Variants in PRKDC observed in about 807,000 individuals in gnomAD.
PRKDC encodes the protein DNA-dependent protein kinase catalytic subunit.
PRKDC carries 82 observed loss-of-function variants against 486.9 expected under a neutral mutation model. The ratio of observed to expected loss-of-function variants is 0.17; its 90% CI spans 0.14 to 0.20. The LOEUF is 0.20. Ranked by LOEUF, PRKDC falls within the 10% of genes least tolerant of loss-of-function variation. The pLI, the probability that PRKDC is intolerant of heterozygous loss-of-function variation, is 1.00. For synonymous variants in PRKDC, 1,895 were observed against 1,837.0 expected, an observed-to-expected ratio of 1.03 and a Z score of -0.81; for missense variants, 4,504 against 5,038.2, an observed-to-expected ratio of 0.89 and a Z score of 3.21.
intron 21 of PRKDC, among the ~76,000 whole-genome samples, chr8:47,925,176 A>G (rs771175850): frequency 2.6e-5 from 4 of 152,228 alleles, no homozygotes; most frequent in Non-Finnish European, 5.9e-5. Context: ...ATCACTCCAG[A>G]AAGTGGAGCA....
At chr8:47,776,750 G>A (rs2086614856) in intron 85 of PRKDC, 94 bp downstream of exon 85, 1 of 1,464,102 alleles carries the variant, frequency 6.8e-7, no homozygotes, top group African/African-American at 1.4e-5. Context: ...CTAACAGAGT[G>A]TCAAGAGCTC....
At chr8:47,912,800 G>C (rs537393412) in intron 24 of PRKDC, among the ~76,000 whole-genome samples, 1 of 152,150 alleles carries the variant, frequency 6.6e-6, no homozygotes, top group East Asian at 1.9e-4. Flanking sequence ...TTAGAAACTG[G>C]GAAGTATATT....
chr8:47,950,559 G>A (rs979895638), intron 7 of PRKDC, among the ~76,000 whole-genome samples: 13 of 151,820 alleles, frequency 8.6e-5, no homozygotes, highest in African/African-American at 3.1e-4. Context: ...AACCCGGAAG[G>A]GGGAGCTTGC....
At position 47,855,364 on chromosome 8, in the gene PRKDC, TA is replaced by T; in HGVS notation, c.6618del (p.Asp2208MetfsTer4). ...AATCGATTTGCTAACACTTCATCTT[TA>T]GGGACCCCCTGAAAAGGTACAGAAA... is the stretch of plus-strand genomic sequence containing the variant. ...WTGLATPTGVPKDEVLANRLL... is the reference protein window; with the variant it reads ...WTGLATPTGVXKDEVLANRLL... On this transcript the variant is annotated frameshift_variant, in exon 50 of 86. Coordinates refer to ENST00000314191, the MANE Select transcript of PRKDC (RefSeq NM_006904.7). LOFTEE classifies it high-confidence loss of function. The T allele has an allele frequency of 6.3e-7, 1 of 1,596,006 alleles. No homozygotes were observed.
intron 74 of PRKDC, among the ~76,000 whole-genome samples, chr8:47,793,206 T>C (rs1350104456): frequency 6.6e-6 from 1 of 152,186 alleles, no homozygotes; most frequent in East Asian, 1.9e-4. Flanking sequence ...TGACACACTG[T>C]CTCTCACATC....
At chr8:47,794,523 T>A (rs1227111295) in intron 73 of PRKDC, 22 bp from the exon 74 acceptor site, 4 of 1,526,904 alleles carry the variant, frequency 2.6e-6, no homozygotes, top group Non-Finnish European at 3.6e-6. Flanking sequence ...AGCTGAAACT[T>A]AATGCTGAGT....
chr8:47,948,848 T>G (rs2090580861), intron 7 of PRKDC, among the ~76,000 whole-genome samples: 1 of 152,228 alleles, frequency 6.6e-6, no homozygotes, highest in South Asian at 2.1e-4. Flanking sequence ...AGTATAAATT[T>G]TAGCCTCAGA....
Position 47,879,609 on chromosome 8 carries a change from C to T in PRKDC, c.5117G>A (p.Ser1706Asn). 1 of 1,592,364 alleles carries T rather than the reference C, an allele frequency of 6.3e-7. No homozygotes were observed. ...CAGAACACGTCTAAGTTCCTCCAGA[C>T]TGCCTCCAGTGAGGCTGGTGAAGAA... is the stretch of plus-strand genomic sequence containing the variant. ...LPFFTSLTGG[S>N]LEELRRVLEQ... Residue 1706 changes from serine (S) to asparagine (N), a missense_variant, in exon 39 of 86, where the codon AGT becomes AAT. Transcript: ENST00000314191.
intron 30 of PRKDC, among the ~76,000 whole-genome samples, chr8:47,895,900 G>A (rs554808000): frequency 2.0e-5 from 3 of 152,068 alleles, no homozygotes; most frequent in Admixed American, 6.6e-5. Context: ...TTAGCCGGGC[G>A]TGGTAGCACA....
chr8:47,792,152 G>A (rs779961075), intron 74 of PRKDC, among the ~76,000 whole-genome samples: 2 of 151,936 alleles, frequency 1.3e-5, no homozygotes, highest in Admixed American at 6.6e-5. Context: ...CTGAACTCGT[G>A]GGGAGGGGAG....
At position 47,943,971 on chromosome 8, in the gene PRKDC, T is replaced by C; in HGVS notation, c.777+3A>G. The C allele has an allele frequency of 1.3e-6, 2 of 1,561,924 alleles. No homozygotes were observed. Among genetic ancestry groups the C allele is most frequent in the Non-Finnish European group, 1.7e-6 (2 of 1,150,634 alleles). On this transcript the variant is annotated splice_donor_region_variant and intron_variant, in intron 8 of 85. Coordinates refer to ENST00000314191, the MANE Select transcript of PRKDC (RefSeq NM_006904.7). ...ATAATATTAATAGTAATATTAATCC[T>C]ACCTGAGGACGAATTGCCTTTAGTA...
intron 7 of PRKDC, among the ~76,000 whole-genome samples, chr8:47,945,615 T>C (rs1312129766): frequency 6.6e-6 from 1 of 152,264 alleles, no homozygotes; most frequent in African/African-American, 2.4e-5. Flanking sequence ...TGTTCCATTG[T>C]GTCTACGTGC....
chr8:47,782,348 C>G lies in PRKDC; in HGVS notation c.11396+30G>C, dbSNP rs756013452. 1 of 1,609,306 alleles carries G rather than the reference C, an allele frequency of 6.2e-7. No individual in the cohort carries two copies. The highest frequency in any genetic ancestry group is 2.2e-5 in the East Asian group (1 of 44,804). ...GTGGACGCCAAGCAATATGCAGCAG[C>G]CTACTGGCTGGGAGCAGCCTGGCAG... is the stretch of plus-strand genomic sequence containing the variant. On this transcript the variant is annotated intron_variant, in intron 79 of 85. Transcript: ENST00000314191. The surrounding 1 kb of genome is among the most constrained non-coding windows in gnomAD (Gnocchi z 4.9).
chr8:47,912,950 C>T (rs1277883063), intron 24 of PRKDC, among the ~76,000 whole-genome samples: 10 of 152,136 alleles, frequency 6.6e-5, no homozygotes, highest in African/African-American at 2.4e-4. Context: ...TTTTATGGAG[C>T]TTTGGACACA....
intron 66 of PRKDC, among the ~76,000 whole-genome samples, chr8:47,819,980 TACAA>T (rs758331560): frequency 6.6e-6 from 1 of 152,198 alleles, no homozygotes; most frequent in Non-Finnish European, 1.5e-5. Flanking sequence ...GACATTCACT[TACAA>T]ACAAACAACT....
chr8:47,810,558 T>A (rs796191281), intron 68 of PRKDC, among the ~76,000 whole-genome samples: 1 of 152,124 alleles, frequency 6.6e-6, no homozygotes. Flanking sequence ...ATAAAAAGAA[T>A]CAGGAGAATG....
chr8:47,943,265 T>G lies in PRKDC; in HGVS notation c.910A>C (p.Thr304Pro). The G allele has an allele frequency of 6.2e-7, 1 of 1,613,302 alleles. No homozygotes were observed. The highest frequency in any genetic ancestry group is 8.5e-7 in the Non-Finnish European group (1 of 1,179,590). Residue 304 changes from threonine to proline, a missense_variant, in exon 10 of 86, where the codon ACA becomes CCA. By Grantham distance (38) the Thr-to-Pro change is conservative. Transcript: ENST00000314191. ...FEVLLKWCAH[T>P]NVELKKAALS... ...GCAGCTTTTTTCAATTCTACATTTG[T>G]GTGGGCACACCACTTTAACAAGACT...
In PRKDC at chr8:47,956,207, T is replaced by C. The variant is rs931005762; in HGVS notation, c.325-259A>G. Among the ~76,000 whole-genome samples the C allele has an allele frequency of 2.6e-5, 4 of 151,582 alleles. No homozygotes were observed. The East Asian group carries it at 7.8e-4, about 30-fold the overall frequency. On this transcript the variant is annotated intron_variant, in intron 3 of 85. Transcript: ENST00000314191. ...TGAAACCCTATCTCTACTAAAAATA[T>C]AAAAATTAGCCAGGTACGGTGGTGC...
chr8:47,915,564 C>T (rs769919561), intron 22 of PRKDC, 146 bp from the exon 23 acceptor site: 5 of 549,838 alleles, frequency 9.1e-6, no homozygotes, highest in Non-Finnish European at 1.6e-5. Context: ...CCTTTCCACT[C>T]TTAAGAAATA....
Sources: allele counts gnomAD v4.1 joint callset (sites outside exome capture counted in the v4.1 genomes callset), GRCh38; gene constraint gnomAD v4.1.1; non-coding constraint Gnocchi (gnomAD v3.1); transcripts MANE v1.5; gene names NCBI Gene and HGNC (gene_info 2026-07-23, HGNC 2026-07-21).